The following PDE8A variants were observed in gnomAD, a reference collection of about 807,000 sequenced individuals.
PDE8A encodes the protein phosphodiesterase 8A.
PDE8A carries 59 observed loss-of-function variants against 105.0 expected under a neutral mutation model. The ratio of observed to expected loss-of-function variants is 0.56; its 90% confidence interval spans 0.46 to 0.70. PDE8A has a LOEUF of 0.70. PDE8A is among the 30% of genes least tolerant of loss of function. The pLI is 0.00. For synonymous variants in PDE8A, 355 were observed against 371.9 expected (o/e 0.95, Z 0.52); for missense variants, 1,014 against 1,045.9 (o/e 0.97, Z 0.42).
At chr15:85,095,932 T>C (rs1423863859) in intron 8 of PDE8A, among the ~76,000 whole-genome samples, 1 of 151,616 alleles carries the variant, frequency 6.6e-6, no homozygotes, top group East Asian at 1.9e-4. Flanking sequence ...GGAGTCTCGC[T>C]CTGTCACCAG....
At chr15:84,990,504 G>A (rs1203028577) in intron 1 of PDE8A, among the ~76,000 whole-genome samples, 1 of 151,924 alleles carries the variant, frequency 6.6e-6, no homozygotes, top group Non-Finnish European at 1.5e-5. Context: ...TTTTTATAAG[G>A]CTTATTTCAC....
In PDE8A at chr15:85,138,388, A is replaced by G. The variant is rs987282556; in HGVS notation, c.*485A>G. On this transcript the variant is annotated 3_prime_UTR_variant, in exon 22 of 22. Transcript: ENST00000394553. The stretch of plus-strand genomic sequence containing the variant: ...GACTTCTCTTTTAAAATTGAGTAGC[A>G]GATGAAAAATTAAAATTTGAACTTG... The G allele has an allele frequency of 6.5e-6, 1 of 152,852 alleles. No individual in the cohort carries two copies. The highest frequency in any genetic ancestry group is 1.9e-4 in the East Asian group (1 of 5,186). 9.5% of individuals were successfully genotyped at this position (152,852 alleles called of 1,614,324 possible). A position where few individuals can be genotyped will look rare whatever the true frequency, so the allele number is the denominator to read the frequency against.
intron 1 of PDE8A, chr15:85,064,116 A>C (rs1001109937): frequency 3.4e-5 from 14 of 412,106 alleles, no homozygotes; most frequent in Non-Finnish European, 4.7e-5. Flanking sequence ...ACATGTAGCT[A>C]GTAAAAGGCA....
chr15:84,987,528 A>T (rs1210144448), intron 1 of PDE8A, among the ~76,000 whole-genome samples: 1 of 136,288 alleles, frequency 7.3e-6, no homozygotes, highest in Non-Finnish European at 1.5e-5. Flanking sequence ...CTGGAGTGTA[A>T]TGGTGCGATC....
chr15:85,096,228 C>G (rs905600), intron 8 of PDE8A, among the ~76,000 whole-genome samples: 1 of 151,766 alleles, frequency 6.6e-6, no homozygotes, highest in Non-Finnish European at 1.5e-5. Context: ...TAATTTTTTT[C>G]TCTCTCTTTT....
At chr15:85,044,436 C>A (rs1364900110) in intron 1 of PDE8A, among the ~76,000 whole-genome samples, 1 of 152,136 alleles carries the variant, frequency 6.6e-6, no homozygotes, top group Non-Finnish European at 1.5e-5. Context: ...GAGAACTTTG[C>A]CTCAAGAGTA....
At position 84,997,177 on chromosome 15, in the gene PDE8A, A is replaced by G. The variant is rs183556103; in HGVS notation, c.186+14829A>G. 1.0e-3 allele frequency among the ~76,000 whole-genome samples: 154 copies of G among 152,054 alleles called. 1 individual carries two copies. The highest frequency in any genetic ancestry group is 3.5e-3 in the African/African-American group (146 of 41,482). ...TTTTTTTTCTTCACATACTTACTCT[A>G]TAAGCTTTTCTCCATTATGTTTTTT... On this transcript the variant is annotated intron_variant, in intron 1 of 21. Coordinates refer to ENST00000394553, the MANE Select transcript of PDE8A (RefSeq NM_002605.3).
chr15:85,069,501 G>C (rs1183309578), intron 3 of PDE8A, among the ~76,000 whole-genome samples: 2 of 152,156 alleles, frequency 1.3e-5, no homozygotes, highest in Non-Finnish European at 2.9e-5. Flanking sequence ...CCCCACCCCA[G>C]ACATCTTTCC....
chr15:85,112,105 C>T (rs776823446), intron 12 of PDE8A, among the ~76,000 whole-genome samples: 14 of 152,132 alleles, frequency 9.2e-5, no homozygotes, highest in Non-Finnish European at 1.5e-4. Context: ...TTTCTGTATA[C>T]ACAGTCATGA....
Position 85,043,967 on chromosome 15 carries a change from G to A in PDE8A, c.187-20403G>A, listed in dbSNP as rs547329849. ...CCACCTTGGCCTCCCAAAGTGCTGG[G>A]ATTACAGGCGTGAGGCACCACACCC... is the stretch of plus-strand genomic sequence containing the variant. On this transcript the variant is annotated intron_variant, in intron 1 of 21. Transcript: ENST00000394553. 9.6e-4 allele frequency among the ~76,000 whole-genome samples: 146 copies of A among 152,312 alleles called. 1 individual carries two copies. Among genetic ancestry groups the A allele is most frequent in the African/African-American group, 3.4e-3 (141 of 41,566 alleles).
At chr15:85,067,248 G>C in intron 3 of PDE8A, 44 bp downstream of exon 3, 4 of 1,341,486 alleles carry the variant, frequency 3.0e-6, no homozygotes, top group Non-Finnish European at 4.2e-6. Flanking sequence ...TGGCCTTTCT[G>C]ACAATACATG....
chr15:85,091,151 T>TA lies in PDE8A; in HGVS notation c.823dup (p.Thr275AsnfsTer25). ...ATGAAAAAAAGGCTGACTTGCTCGA[T>TA]ACTATAAATTCATGCATCAGGATAG... On this transcript the variant is annotated frameshift_variant, in exon 8 of 22. Coordinates refer to ENST00000394553, the MANE Select transcript of PDE8A (RefSeq NM_002605.3). LOFTEE classifies it high-confidence loss of function. 1.2e-6 allele frequency: 2 copies of TA among 1,612,592 alleles called. No individual in the cohort carries two copies. The highest frequency in any genetic ancestry group is 1.7e-6 in the Non-Finnish European group (2 of 1,179,512).
At chr15:85,104,356 C>T (rs557141116) in intron 11 of PDE8A, among the ~76,000 whole-genome samples, 2 of 152,236 alleles carry the variant, frequency 1.3e-5, no homozygotes, top group East Asian at 1.9e-4. Context: ...AGAAGCAGCA[C>T]CCATAAAGGC....
chr15:85,094,054 G>A (rs2081697881), intron 8 of PDE8A, among the ~76,000 whole-genome samples: 2 of 152,018 alleles, frequency 1.3e-5, no homozygotes, highest in South Asian at 4.2e-4. Flanking sequence ...TTAGAAATGG[G>A]GTCTCACTGT....
At chr15:85,017,404 A>T (rs1314105844) in intron 1 of PDE8A, among the ~76,000 whole-genome samples, 1 of 152,172 alleles carries the variant, frequency 6.6e-6, no homozygotes, top group African/African-American at 2.4e-5. Flanking sequence ...TTGTAAATAG[A>T]GTTTTACCTC....
At chr15:85,061,460 GA>G (rs2081144445) in intron 1 of PDE8A, among the ~76,000 whole-genome samples, 1 of 151,748 alleles carries the variant, frequency 6.6e-6, no homozygotes, top group Non-Finnish European at 1.5e-5. Flanking sequence ...GGCTGGTTTC[GA>G]ATTCCTGGCC....
intron 1 of PDE8A, among the ~76,000 whole-genome samples, chr15:85,040,320 A>G (rs1289807905): frequency 6.7e-6 from 1 of 149,952 alleles, no homozygotes; most frequent in Non-Finnish European, 1.5e-5. Context: ...CGCCTCCCAA[A>G]GTGCTGGGAT....
At chr15:85,102,702 C>T (rs1326304322) in intron 11 of PDE8A, among the ~76,000 whole-genome samples, 2 of 151,494 alleles carry the variant, frequency 1.3e-5, no homozygotes, top group Non-Finnish European at 2.9e-5. Context: ...AGCCAGGCGT[C>T]GTGGCGCATG....
chr15:85,074,275 A>G (rs1423940269), intron 3 of PDE8A, among the ~76,000 whole-genome samples: 2 of 152,194 alleles, frequency 1.3e-5, no homozygotes, highest in African/African-American at 4.8e-5. Flanking sequence ...TTGCCCATTC[A>G]TTTGTGTATT....
Sources: allele counts gnomAD v4.1 joint callset (sites outside exome capture counted in the v4.1 genomes callset), GRCh38; gene constraint gnomAD v4.1.1; transcripts MANE v1.5; gene names NCBI Gene and HGNC (gene_info 2026-07-23, HGNC 2026-07-21).